The following FMNL2 variants were observed in gnomAD, a reference collection of about 807,000 sequenced individuals.
The protein encoded by FMNL2 is formin-like protein 2.
A neutral mutation model predicts 130.2 loss-of-function variants in FMNL2; 51 were observed. The ratio of observed to expected loss-of-function variants is 0.39; its 90% CI spans 0.31 to 0.49. The LOEUF (loss-of-function observed/expected upper bound fraction) is 0.49. Ranked by LOEUF, FMNL2 falls within the 20% of genes least tolerant of loss-of-function variation. The pLI is 0.85. For synonymous variants in FMNL2, 465 were observed against 467.1 expected (o/e 1.00, Z 0.06); for missense variants, 977 against 1,316.2 (o/e 0.74, Z 3.99).
chr2:152,643,678 CAATT>C, intron 25 of FMNL2: 1 of 1,435,564 alleles, frequency 7.0e-7, no homozygotes, highest in South Asian at 1.5e-5. Context: ...TTTTGCATTT[CAATT>C]ATTATTGCTC....
At position 152,628,394 on chromosome 2, in the gene FMNL2, G is replaced by A. The variant is rs1367738787; in HGVS notation, c.2261G>A (p.Arg754Gln). ...NEVKVLRLYE[R>Q]ERKPLENLSD... Reference sequence around the variant, plus strand: ...GTGAAAGTGCTTCGGCTCTACGAGCGGGAAAGGAAGCCTCTGGAAAACTTG... The same window carrying A: ...GTGAAAGTGCTTCGGCTCTACGAGCAGGAAAGGAAGCCTCTGGAAAACTTG... Residue 754 changes from arginine to glutamine, a missense_variant, in exon 18 of 26, where the codon CGG becomes CAG. This residue lies in a region of FMNL2 where 689 missense variants were observed against 995.9 expected (regional missense o/e 0.69). Coordinates refer to ENST00000288670, the MANE Select transcript of FMNL2 (RefSeq NM_052905.4). 4 of 1,614,012 alleles carry A rather than the reference G, an allele frequency of 2.5e-6. No homozygotes were observed. The highest frequency in any genetic ancestry group is 1.1e-5 in the South Asian group (1 of 91,086).
chr2:152,345,527 A>G (rs746849022), intron 1 of FMNL2, among the ~76,000 whole-genome samples: 10 of 152,236 alleles, frequency 6.6e-5, no homozygotes, highest in Non-Finnish European at 1.5e-4. Flanking sequence ...ATGCAAAGGC[A>G]GTGAATTGGG....
chr2:152,599,886 G>A lies in FMNL2; in HGVS notation c.877-7453G>A, dbSNP rs1251827601. On this transcript the variant is annotated intron_variant, in intron 9 of 25. Transcript: ENST00000288670. ...ACAGTTAAATCCCAAGGAGACATGAGAGCCAGCAGCAGGTTGGAGTGATCT... is the reference window on the plus strand; with the variant it reads ...ACAGTTAAATCCCAAGGAGACATGAAAGCCAGCAGCAGGTTGGAGTGATCT... Among the ~76,000 whole-genome samples the A allele has an allele frequency of 2.6e-5, 4 of 152,322 alleles. No individual in the cohort carries two copies. The East Asian group carries it at 5.8e-4, about 22-fold the overall frequency.
At chr2:152,539,976 A>G (rs1367672058) in intron 2 of FMNL2, among the ~76,000 whole-genome samples, 1 of 152,094 alleles carries the variant, frequency 6.6e-6, no homozygotes, top group Non-Finnish European at 1.5e-5. Flanking sequence ...TATAGATCCA[A>G]CTTCTTAGGA....
At chr2:152,611,965 A>G (rs1334664278) in intron 11 of FMNL2, among the ~76,000 whole-genome samples, 1 of 152,184 alleles carries the variant, frequency 6.6e-6, no homozygotes, top group Non-Finnish European at 1.5e-5. Context: ...CGGGGACCCC[A>G]TCTGGGCAGA....
At chr2:152,545,400 A>G (rs1330373261) in intron 3 of FMNL2, among the ~76,000 whole-genome samples, 1 of 152,110 alleles carries the variant, frequency 6.6e-6, no homozygotes, top group Admixed American at 6.5e-5. Context: ...TGAATAGAAG[A>G]TACTTAATTT....
chr2:152,442,015 G>T (rs1688077702), intron 1 of FMNL2, among the ~76,000 whole-genome samples: 1 of 152,044 alleles, frequency 6.6e-6, no homozygotes. Context: ...GGCTAGGGGA[G>T]TTTTTTGTGT....
intron 6 of FMNL2, among the ~76,000 whole-genome samples, chr2:152,561,784 G>A (rs1695546089): frequency 6.6e-6 from 1 of 151,992 alleles, no homozygotes. Flanking sequence ...CACAATGTTG[G>A]CCAGGCTGGT....
chr2:152,346,249 TCCCAACCTCAGGTGATCCGCCCAC>T (rs952576736), intron 1 of FMNL2, among the ~76,000 whole-genome samples: 17 of 152,098 alleles, frequency 1.1e-4, no homozygotes, highest in African/African-American at 4.1e-4. Flanking sequence ...GCTCTTGAAC[TCCCAACCTCAGGTGATCCGCCCAC>T]CCCAGCCTCC....
intron 6 of FMNL2, among the ~76,000 whole-genome samples, chr2:152,574,262 T>G (rs550639600): frequency 6.6e-6 from 1 of 151,830 alleles, no homozygotes; most frequent in South Asian, 2.1e-4. Flanking sequence ...ATGGGGAAAC[T>G]CCATCTCTAC....
chr2:152,533,287 ATCTG>A (rs1055530521), intron 2 of FMNL2, among the ~76,000 whole-genome samples: 88 of 152,302 alleles, frequency 5.8e-4, no homozygotes, highest in African/African-American at 1.8e-3. Flanking sequence ...TCTATCTATC[ATCTG>A]TCTGTCTATC....
intron 9 of FMNL2, among the ~76,000 whole-genome samples, chr2:152,589,982 T>TATAC (rs59903756): frequency 1.3e-4 from 5 of 38,958 alleles, no homozygotes; most frequent in African/African-American, 5.3e-4. Context: ...TATATATATA[T>TATAC]ATGTATATGT....
At chr2:152,514,830 CT>C (rs1692673790) in intron 1 of FMNL2, among the ~76,000 whole-genome samples, 1 of 152,118 alleles carries the variant, frequency 6.6e-6, no homozygotes, top group Non-Finnish European at 1.5e-5. Context: ...ACTCAGGGAA[CT>C]GAAATAGCGA....
At chr2:152,646,677 A>G (rs1334429437) in intron 25 of FMNL2, among the ~76,000 whole-genome samples, 1 of 152,194 alleles carries the variant, frequency 6.6e-6, no homozygotes, top group Non-Finnish European at 1.5e-5. Context: ...AAGGGATACA[A>G]AAGATTCAAT....
intron 5 of FMNL2, 56 bp downstream of exon 5, chr2:152,558,879 A>T: frequency 1.4e-6 from 2 of 1,458,544 alleles, no homozygotes; most frequent in Admixed American, 1.8e-5. Context: ...AGCAGATGCT[A>T]CTCAGTGGTA....
chr2:152,539,457 G>A (rs1440709302), intron 2 of FMNL2: 1 of 152,246 alleles, frequency 6.6e-6, no homozygotes, highest in Non-Finnish European at 1.5e-5. Flanking sequence ...AAGAGGAGAT[G>A]GGCAGACTAT....
intron 3 of FMNL2, among the ~76,000 whole-genome samples, chr2:152,545,239 G>A (rs1325907609): frequency 6.6e-6 from 1 of 152,152 alleles, no homozygotes; most frequent in Non-Finnish European, 1.5e-5. Flanking sequence ...CAGTTAAAAT[G>A]AGCTTAAAAT....
intron 2 of FMNL2, among the ~76,000 whole-genome samples, chr2:152,535,485 T>C (rs1693948474): frequency 6.6e-6 from 1 of 152,252 alleles, no homozygotes; most frequent in South Asian, 2.1e-4. Context: ...CAACTATGTC[T>C]GTTGCATCTC....
Position 152,628,305 on chromosome 2 carries a change from C to A in FMNL2, c.2172C>A (p.Asp724Glu), listed in dbSNP as rs770656918. ...DEICKAIHVF[D>E]LKTLPVDFVE... ...TCTCCACATCTGTCTTTAGATTTGA[C>A]TTGAAGACACTGCCTGTGGACTTTG... is the stretch of plus-strand genomic sequence containing the variant. Residue 724 changes from aspartate to glutamate, a missense_variant, in exon 18 of 26, where the codon GAC becomes GAA. By Grantham distance (45) the Asp-to-Glu change is conservative. This residue lies in a region of FMNL2 where 689 missense variants were observed against 995.9 expected (regional missense o/e 0.69). Coordinates refer to ENST00000288670, the MANE Select transcript of FMNL2 (RefSeq NM_052905.4). The A allele has an allele frequency of 2.4e-5, 38 of 1,613,606 alleles. No homozygotes were observed. In the Admixed American group the frequency reaches 5.0e-4, roughly 21 times the overall value.
Sources: gnomAD v4.1 joint callset for allele counts (sites outside exome capture counted in the v4.1 genomes callset) on GRCh38, gnomAD v4.1.1 for gene constraint, gnomAD v4.1.1 regional missense constraint, MANE v1.5 for transcripts, NCBI Gene and HGNC (gene_info 2026-07-23, HGNC 2026-07-21) for gene names.